The following PDS5B variants were observed in gnomAD, a reference collection of about 807,000 sequenced individuals.
The protein encoded by PDS5B is sister chromatid cohesion protein PDS5 homolog B.
Under a neutral mutation model 184.1 loss-of-function variants are expected in PDS5B, and 51 were observed. The observed-to-expected ratio is 0.28, with a 90% CI of 0.22 to 0.35. The LOEUF is 0.35. Ranked by LOEUF, PDS5B falls within the 10% of genes least tolerant of loss-of-function variation. PDS5B has a pLI of 1.00. For synonymous variants in PDS5B, 566 were observed against 569.2 expected, an observed-to-expected ratio of 0.99 and a Z score of 0.08; for missense variants, 1,180 against 1,723.3, an observed-to-expected ratio of 0.68 and a Z score of 5.58.
chr13:32,599,184 A>G (rs1254024034), intron 1 of PDS5B, among the ~76,000 whole-genome samples: 1 of 152,174 alleles, frequency 6.6e-6, no homozygotes, highest in African/African-American at 2.4e-5. Flanking sequence ...TAAATATAAC[A>G]TTCATATTGA....
intron 10 of PDS5B, among the ~76,000 whole-genome samples, chr13:32,682,201 A>G (rs1951267120): frequency 6.6e-6 from 1 of 152,122 alleles, no homozygotes; most frequent in Admixed American, 6.5e-5. Flanking sequence ...AAAAAGTGTA[A>G]TTAGCTTAAA....
intron 1 of PDS5B, among the ~76,000 whole-genome samples, chr13:32,631,300 C>T (rs561772637): frequency 1.3e-5 from 2 of 151,808 alleles, no homozygotes; most frequent in East Asian, 3.9e-4. Context: ...ACCATGTTGC[C>T]CAGGCTGGTC....
chr13:32,716,501 C>T (rs1593496719), intron 19 of PDS5B, among the ~76,000 whole-genome samples: 1 of 151,972 alleles, frequency 6.6e-6, no homozygotes, highest in East Asian at 1.9e-4. Flanking sequence ...GCGCCTCCGC[C>T]CAGCAGCCAC....
chr13:32,702,816 C>T (rs1247727058), intron 17 of PDS5B, among the ~76,000 whole-genome samples: 1 of 152,078 alleles, frequency 6.6e-6, no homozygotes, highest in Non-Finnish European at 1.5e-5. Flanking sequence ...TAACATTGAG[C>T]TTCCTTTTAC....
chr13:32,692,595 T>G (rs1182617187), intron 13 of PDS5B, among the ~76,000 whole-genome samples: 2 of 151,616 alleles, frequency 1.3e-5, no homozygotes, highest in African/African-American at 4.8e-5. Flanking sequence ...ACAAGGAGAT[T>G]TGTGGGAACT....
At chr13:32,633,783 ATTTG>A (rs769172268) in intron 1 of PDS5B, among the ~76,000 whole-genome samples, 3 of 152,108 alleles carry the variant, frequency 2.0e-5, no homozygotes, top group Non-Finnish European at 4.4e-5. Flanking sequence ...TTTGTTGAAT[ATTTG>A]TTTATCTTTA....
intron 19 of PDS5B, among the ~76,000 whole-genome samples, chr13:32,714,814 G>A (rs1445007437): frequency 6.6e-6 from 1 of 152,060 alleles, no homozygotes; most frequent in Non-Finnish European, 1.5e-5. Context: ...TATAATTTGT[G>A]TAGTTAACAC....
chr13:32,764,402 C>A, intron 30 of PDS5B, 87 bp from the exon 31 acceptor site: 3 of 726,144 alleles, frequency 4.1e-6, no homozygotes, highest in South Asian at 8.8e-5. Context: ...AAATTTTTTC[C>A]ATAAATCTGT....
intron 1 of PDS5B, among the ~76,000 whole-genome samples, chr13:32,615,094 C>G (rs542016568): frequency 1.3e-5 from 2 of 152,280 alleles, no homozygotes; most frequent in Admixed American, 1.3e-4. Context: ...GTTGTGCCCC[C>G]TATCAATTAT....
At chr13:32,725,992 A>G (rs1952886919) in intron 19 of PDS5B, among the ~76,000 whole-genome samples, 1 of 151,986 alleles carries the variant, frequency 6.6e-6, no homozygotes, top group South Asian at 2.1e-4. Flanking sequence ...CATTTGTTTC[A>G]TTCTTTTTGA....
intron 19 of PDS5B, among the ~76,000 whole-genome samples, chr13:32,712,859 A>G (rs1212624470): frequency 1.3e-5 from 2 of 152,236 alleles, no homozygotes; most frequent in Admixed American, 6.5e-5. Context: ...ACTAAGGAAA[A>G]TCATGAAGGA....
chr13:32,643,701 G>A (rs571448448), intron 1 of PDS5B, among the ~76,000 whole-genome samples: 24 of 152,192 alleles, frequency 1.6e-4, no homozygotes, highest in East Asian at 9.6e-4. Flanking sequence ...GTAACATACT[G>A]TACAGGTTTG....
intron 23 of PDS5B, among the ~76,000 whole-genome samples, chr13:32,743,972 C>G (rs995506479): frequency 4.0e-5 from 6 of 151,826 alleles, no homozygotes; most frequent in Non-Finnish European, 7.4e-5. Context: ...CCTTATAAAT[C>G]AATTTATTAA....
intron 21 of PDS5B, among the ~76,000 whole-genome samples, chr13:32,740,644 G>A (rs1953507106): frequency 6.6e-6 from 1 of 151,846 alleles, no homozygotes; most frequent in South Asian, 2.1e-4. Context: ...GATTAGTTTG[G>A]AGTTGTGCTG....
At chr13:32,595,230 G>A (rs1035612060) in intron 1 of PDS5B, among the ~76,000 whole-genome samples, 5 of 151,990 alleles carry the variant, frequency 3.3e-5, no homozygotes, top group Admixed American at 6.6e-5. Context: ...AGAAACCTGG[G>A]AGTCATCTTG....
intron 1 of PDS5B, among the ~76,000 whole-genome samples, chr13:32,587,501 T>C (rs2140450410): frequency 1.3e-5 from 2 of 152,332 alleles, no homozygotes; most frequent in South Asian, 2.1e-4. Flanking sequence ...TTTGTTGTTG[T>C]TGCTGCTACT....
chr13:32,733,839 T>C (rs1445202857), intron 20 of PDS5B, among the ~76,000 whole-genome samples: 2 of 152,160 alleles, frequency 1.3e-5, no homozygotes. Context: ...AACGTACTTT[T>C]CCAGAGATAT....
At chr13:32,586,686 T>G (rs2140446927) in intron 1 of PDS5B, 93 bp downstream of exon 1, 1 of 150,004 alleles carries the variant, frequency 6.7e-6, no homozygotes, top group East Asian at 2.0e-4. Flanking sequence ...GCTGTGTGCG[T>G]GTGTGTGGCA....
At position 32,735,174 on chromosome 13, in the gene PDS5B, T is replaced by C; in HGVS notation, c.2250T>C (p.Pro750=). The C allele has an allele frequency of 6.4e-7, 1 of 1,559,500 alleles. No homozygotes were observed. Among genetic ancestry groups the C allele is most frequent in the Non-Finnish European group, 8.7e-7 (1 of 1,154,304 alleles). ...KETQFAQIFE[P]LHKSLDPSNL... Reference sequence around the variant, plus strand: ...TATTTTCCTCCCCTCATTTTCAGCCTCTGCATAAGAGCCTAGATCCAAGCA... The same window carrying C: ...TATTTTCCTCCCCTCATTTTCAGCCCCTGCATAAGAGCCTAGATCCAAGCA... The change falls in exon 21 of 35, where the codon CCT becomes CCC. Residue 750 remains proline, a splice_region_variant and synonymous_variant. Transcript: ENST00000315596.
Sources: allele counts gnomAD v4.1 joint callset (sites outside exome capture counted in the v4.1 genomes callset), GRCh38; gene constraint gnomAD v4.1.1; transcripts MANE v1.5; gene names NCBI Gene and HGNC (gene_info 2026-07-23, HGNC 2026-07-21).